The following MINPP1 variants were observed in gnomAD, a reference collection of about 807,000 sequenced individuals.
MINPP1 encodes the protein multiple inositol polyphosphate phosphatase 1.
MINPP1 carries 28 observed loss-of-function variants against 46.1 expected under a neutral mutation model. The ratio of observed to expected loss-of-function variants is 0.61; its 90% confidence interval spans 0.45 to 0.83. The LOEUF is 0.83. Among genes scored for constraint, MINPP1 ranks in the 40% least tolerant of loss-of-function variants. The probability of loss-of-function intolerance (pLI) is 0.00; values close to 1 mark genes in which losing one functional copy is unlikely to be tolerated. For missense variants in MINPP1, 603 were observed against 610.0 expected, an observed-to-expected ratio of 0.99 and a Z score of 0.12; for synonymous variants, 268 against 249.1, an observed-to-expected ratio of 1.08 and a Z score of -0.72.
At chr10:87,512,924 G>A (rs1387616487) in intron 2 of MINPP1, among the ~76,000 whole-genome samples, 200 bp from the exon 3 acceptor site, 4 of 152,090 alleles carry the variant, frequency 2.6e-5, no homozygotes, top group Non-Finnish European at 4.4e-5. Flanking sequence ...CTTCCTGATA[G>A]TTCAGTTCTG....
chr10:87,513,286 A>G, intron 3 of MINPP1, 65 bp downstream of exon 3: 3 of 1,181,600 alleles, frequency 2.5e-6, no homozygotes, highest in Non-Finnish European at 3.8e-6. Context: ...GCTTGTTTGC[A>G]TTTGGTTACT....
intron 4 of MINPP1, among the ~76,000 whole-genome samples, chr10:87,549,432 C>T (rs1012321903): frequency 2.0e-5 from 3 of 152,190 alleles, no homozygotes; most frequent in African/African-American, 7.2e-5. Context: ...GTCCATACCA[C>T]TGTCTGTCCT....
rs190498075 is a variant in MINPP1 at position 87,514,667 on chromosome 10, T to C, written c.933+1446T>C. Among the ~76,000 whole-genome samples the C allele has an allele frequency of 1.8e-3, 271 of 152,334 alleles. 2 individuals carry two copies. Among genetic ancestry groups the C allele is most frequent in the African/African-American group, 6.0e-3 (250 of 41,582 alleles). ...GCACTACGTAAGTGATATATCCTTCTCAGTGCATCATATCAGAAGGACTGA... is the reference window on the plus strand; with the variant it reads ...GCACTACGTAAGTGATATATCCTTCCCAGTGCATCATATCAGAAGGACTGA... On this transcript the variant is annotated intron_variant, in intron 3 of 4. Coordinates refer to ENST00000371996, the MANE Select transcript of MINPP1 (RefSeq NM_004897.5).
rs749493424 is a variant in MINPP1, at chr10:87,505,512, G to A, written c.597G>A (p.Trp199Ter). ...DSSAAFLQGLWQHYHPGLPPP... is the reference protein window; with the variant it reads ...DSSAAFLQGL ...GCGCCGCCTTCCTGCAGGGGCTGTGGCAGCACTACCACCCTGGCTTGCCGC... is the reference window on the plus strand; with the variant it reads ...GCGCCGCCTTCCTGCAGGGGCTGTGACAGCACTACCACCCTGGCTTGCCGC... Residue 199 changes from tryptophan to a stop codon, truncating the protein, a stop_gained, in exon 1 of 5, where the codon TGG (tryptophan) becomes TGA (stop). Transcript: ENST00000371996. LOFTEE classifies it high-confidence loss of function. The surrounding 1 kb of genome is among the most constrained non-coding windows in gnomAD (Gnocchi z 4.4). The A allele has an allele frequency of 1.9e-6, 3 of 1,611,812 alleles. No individual in the cohort carries two copies. The highest frequency in any genetic ancestry group is 1.1e-5 in the South Asian group (1 of 90,878).
chr10:87,518,200 C>T (rs1851441881), intron 3 of MINPP1, among the ~76,000 whole-genome samples: 2 of 151,498 alleles, frequency 1.3e-5, no homozygotes, highest in Admixed American at 6.6e-5. Flanking sequence ...ACCTCGCAAT[C>T]CGCCTGTCTC....
chr10:87,534,137 C>T (rs1851700831), intron 4 of MINPP1, among the ~76,000 whole-genome samples: 1 of 138,542 alleles, frequency 7.2e-6, no homozygotes, highest in Admixed American at 8.0e-5. Context: ...ACTGCAACCT[C>T]TACCTCCCAG....
chr10:87,509,262 T>C (rs954108990), intron 2 of MINPP1, among the ~76,000 whole-genome samples: 11 of 152,092 alleles, frequency 7.2e-5, no homozygotes, highest in Non-Finnish European at 1.0e-4. Context: ...GTAGATTACA[T>C]TATACTCTGA....
chr10:87,546,882 A>T, intron 4 of MINPP1, among the ~76,000 whole-genome samples: 1 of 152,176 alleles, frequency 6.6e-6, no homozygotes, highest in East Asian at 1.9e-4. Flanking sequence ...GTGAGCCATG[A>T]TCACACCACT....
At chr10:87,521,433 T>G (rs1009507552) in intron 4 of MINPP1, among the ~76,000 whole-genome samples, 2 of 152,196 alleles carry the variant, frequency 1.3e-5, no homozygotes, top group African/African-American at 2.4e-5. Context: ...TCCTGCCTCC[T>G]CTTGCCCTTC....
At chr10:87,543,954 G>GTTGGGGGT (rs1199993890) in intron 4 of MINPP1, among the ~76,000 whole-genome samples, 3 of 152,204 alleles carry the variant, frequency 2.0e-5, no homozygotes, top group Non-Finnish European at 4.4e-5. Context: ...CAACTTCTGT[G>GTTGGGGGT]ACCCAGTGTT....
chr10:87,508,396 A>C lies in MINPP1; in HGVS notation c.698A>C (p.Glu233Ala). 1 of 1,613,468 alleles carries C rather than the reference A, an allele frequency of 6.2e-7. No individual in the cohort carries two copies. The highest frequency in any genetic ancestry group is 8.5e-7 in the Non-Finnish European group (1 of 1,179,778). Residue 233 changes from glutamate to alanine, a missense_variant, in exon 2 of 5, where the codon GAG (glutamate) becomes GCG (alanine). By Grantham distance (107) the Glu-to-Ala change is moderately radical. Around this residue, in one of 3 missense-constraint regions of MINPP1, gnomAD observed 344 missense variants for 381.1 expected, o/e 0.90. Coordinates refer to ENST00000371996, the MANE Select transcript of MINPP1 (RefSeq NM_004897.5). ...CTAATGAGATTTTTTGATCACTGTG[A>C]GAAGTTTTTAACTGAAGTAGAAAAA... ...DKLMRFFDHC[E>A]KFLTEVEKNA...
At chr10:87,510,058 A>G (rs978545333) in intron 2 of MINPP1, among the ~76,000 whole-genome samples, 2 of 152,200 alleles carry the variant, frequency 1.3e-5, no homozygotes, top group Non-Finnish European at 1.5e-5. Context: ...TCTTGACTCT[A>G]CTATCCTATT....
In MINPP1 at chr10:87,505,162, C is replaced by G; in HGVS notation, c.247C>G (p.Leu83Val). The change falls in exon 1 of 5, where the codon CTG becomes GTG. Residue 83 changes from leucine to valine, a missense_variant. Around this residue, in one of 3 missense-constraint regions of MINPP1, gnomAD observed 239 missense variants for 189.4 expected, o/e 1.26. Transcript: ENST00000371996. The surrounding 1 kb of genome is among the most constrained non-coding windows in gnomAD (Gnocchi z 4.4). ...GGAGGGGACCTGCACCCCGGTGCAG[C>G]TGGTCGCCCTCATTCGCCACGGCAC... ...LLEGTCTPVQLVALIRHGTRY... is the reference protein window; with the variant it reads ...LLEGTCTPVQVVALIRHGTRY... 1 of 1,610,014 alleles carries G rather than the reference C, an allele frequency of 6.2e-7. No individual in the cohort carries two copies. Among genetic ancestry groups the G allele is most frequent in the Non-Finnish European group, 8.5e-7 (1 of 1,178,338 alleles).
chr10:87,528,827 T>C (rs1851615672), intron 4 of MINPP1, among the ~76,000 whole-genome samples: 1 of 152,204 alleles, frequency 6.6e-6, no homozygotes, highest in Non-Finnish European at 1.5e-5. Flanking sequence ...TCTCCCGTTA[T>C]TATTGTGTGG....
chr10:87,547,917 T>C (rs1352144868), intron 4 of MINPP1, among the ~76,000 whole-genome samples: 1 of 152,184 alleles, frequency 6.6e-6, no homozygotes, highest in Non-Finnish European at 1.5e-5. Flanking sequence ...TATTTTTCTG[T>C]AGCTCAAATC....
At chr10:87,535,794 T>TGGC (rs1477849128) in intron 4 of MINPP1, among the ~76,000 whole-genome samples, 1 of 151,010 alleles carries the variant, frequency 6.6e-6, no homozygotes, top group Non-Finnish European at 1.5e-5. Flanking sequence ...CCAGGCGTGG[T>TGGC]GGCATGTGCC....
intron 4 of MINPP1, 141 bp downstream of exon 4, chr10:87,521,310 C>T (rs1009292902): frequency 3.0e-5 from 19 of 634,068 alleles, no homozygotes; most frequent in Non-Finnish European, 4.2e-5. Context: ...CAAAAGAATT[C>T]GATAACATAT....
At chr10:87,507,432 A>AG (rs1465296162) in intron 1 of MINPP1, among the ~76,000 whole-genome samples, 7 of 152,228 alleles carry the variant, frequency 4.6e-5, no homozygotes, top group African/African-American at 1.7e-4. Flanking sequence ...TTTCTTAAGA[A>AG]TTGCAATCCA....
intron 2 of MINPP1, among the ~76,000 whole-genome samples, chr10:87,510,026 A>G (rs1392013446): frequency 6.6e-6 from 1 of 152,194 alleles, no homozygotes; most frequent in Non-Finnish European, 1.5e-5. Flanking sequence ...TGGATTCTGG[A>G]ATTGGACTAT....
Sources: gnomAD v4.1 joint callset for allele counts (sites outside exome capture counted in the v4.1 genomes callset) on GRCh38, gnomAD v4.1.1 for gene constraint, gnomAD v4.1.1 regional missense constraint, Gnocchi (gnomAD v3.1) non-coding constraint, MANE v1.5 for transcripts, NCBI Gene and HGNC (gene_info 2026-07-23, HGNC 2026-07-21) for gene names.